Variants in ATP13A4 observed in about 807,000 individuals in gnomAD.
ATP13A4 encodes the protein probable cation-transporting ATPase 13A4.
A neutral mutation model predicts 142.5 loss-of-function variants in ATP13A4; 114 were observed. The ratio of observed to expected loss-of-function variants is 0.80; its 90% CI spans 0.69 to 0.93. ATP13A4 has a LOEUF of 0.93. Ranked by LOEUF, ATP13A4 falls within the 40% of genes least tolerant of loss-of-function variation. The probability of loss-of-function intolerance (pLI) is 0.00; values close to 1 mark genes in which losing one functional copy is unlikely to be tolerated. For missense variants in ATP13A4, 1,392 were observed against 1,454.0 expected, an observed-to-expected ratio of 0.96 and a Z score of 0.69; for synonymous variants, 488 against 514.8, an observed-to-expected ratio of 0.95 and a Z score of 0.70.
intron 3 of ATP13A4, among the ~76,000 whole-genome samples, chr3:193,498,145 T>C (rs1345650875): frequency 2.6e-5 from 4 of 152,150 alleles, no homozygotes; most frequent in South Asian, 2.1e-4. Flanking sequence ...GATTTATACA[T>C]AATGTATACA....
chr3:193,592,423 C>A (rs1277173901), intron 1 of ATP13A4, among the ~76,000 whole-genome samples: 1 of 151,916 alleles, frequency 6.6e-6, no homozygotes, highest in Non-Finnish European at 1.5e-5. Context: ...AGCAGCAGTT[C>A]CAGGGAAAAA....
At chr3:193,463,856 C>A (rs1718106810) in intron 12 of ATP13A4, among the ~76,000 whole-genome samples, 1 of 152,074 alleles carries the variant, frequency 6.6e-6, no homozygotes, top group Non-Finnish European at 1.5e-5. Context: ...CTTGGTAGAT[C>A]TTTCTGATAT....
At chr3:193,431,713 T>C (rs1261094523) in intron 25 of ATP13A4, among the ~76,000 whole-genome samples, 1 of 151,102 alleles carries the variant, frequency 6.6e-6, no homozygotes, top group Non-Finnish European at 1.5e-5. Flanking sequence ...TACACACATA[T>C]ATATGTTTCT....
chr3:193,474,537 CAGAG>C (rs554455863), intron 8 of ATP13A4, among the ~76,000 whole-genome samples: 1 of 122,196 alleles, frequency 8.2e-6, no homozygotes, highest in African/African-American at 3.2e-5. Context: ...CCTGTCAAGA[CAGAG>C]AGAGAGAGAG....
chr3:193,506,190 T>G (rs183021593), intron 2 of ATP13A4, among the ~76,000 whole-genome samples: 9 of 152,352 alleles, frequency 5.9e-5, no homozygotes, highest in Non-Finnish European at 1.2e-4. Flanking sequence ...TCTACTTTAG[T>G]CTGTTTCCCA....
Position 193,407,309 on chromosome 3 carries a change from T to C in ATP13A4, c.3378+4A>G. 5 of 1,608,486 alleles carry C rather than the reference T, an allele frequency of 3.1e-6. No individual in the cohort carries two copies. On this transcript the variant is annotated splice_donor_region_variant and intron_variant, in intron 29 of 29. Transcript: ENST00000342695. ...GATCAGCAGCCCAAGATCAGCACAC[T>C]TACCTCGGCCACAAGGGACACAATG... is the stretch of plus-strand genomic sequence containing the variant.
intron 14 of ATP13A4, 21 bp downstream of exon 14, chr3:193,459,060 C>G (rs1717797571): frequency 6.2e-7 from 1 of 1,613,934 alleles, no homozygotes; most frequent in Admixed American, 1.7e-5. Context: ...TTCTCAGATT[C>G]TCTGAAGAGC....
In ATP13A4 at chr3:193,462,805, C is replaced by T; in HGVS notation, c.1480G>A (p.Asp494Asn). ...CFDKTGTLTR[D>N]GLDLWGVVSC... ...ACGACTCCCCAGAGGTCCAAGCCGT[C>T]CCTTGTTAAGGTGCCTGTCTAAACA... Residue 494 changes from aspartate (D) to asparagine (N), a missense_variant, in exon 13 of 30, where the codon GAC becomes AAC. Physicochemically the swap from Asp to Asn is conservative, Grantham distance 23 (BLOSUM62 1). Coordinates refer to ENST00000342695, the MANE Select transcript of ATP13A4 (RefSeq NM_032279.4). The T allele has an allele frequency of 1.2e-6, 2 of 1,613,974 alleles. No individual in the cohort carries two copies. The highest frequency in any genetic ancestry group is 1.7e-6 in the Non-Finnish European group (2 of 1,179,908).
At chr3:193,447,089 T>A (rs971025281) in intron 18 of ATP13A4, among the ~76,000 whole-genome samples, 9 of 152,082 alleles carry the variant, frequency 5.9e-5, no homozygotes, top group Non-Finnish European at 1.2e-4. Context: ...CGGCAGAAAT[T>A]TCAATATGAG....
chr3:193,477,850 G>A (rs958220305), intron 8 of ATP13A4, among the ~76,000 whole-genome samples: 1 of 151,994 alleles, frequency 6.6e-6, no homozygotes, highest in African/African-American at 2.4e-5. Flanking sequence ...TTAGTGTGAA[G>A]CAAACTACTG....
At chr3:193,488,877 G>A (rs75302776) in intron 7 of ATP13A4, among the ~76,000 whole-genome samples, 2,807 of 152,204 alleles carry the variant, frequency 0.018, 89 homozygotes, top group African/African-American at 0.064. Flanking sequence ...AGTCATTCAT[G>A]GACTGCACAA....
chr3:193,554,763 T>C lies in ATP13A4; in HGVS notation c.37A>G (p.Asn13Asp). The change falls in exon 1 of 30, where the codon AAT (asparagine) becomes GAT (aspartate). Residue 13 changes from asparagine to aspartate, a missense_variant. Coordinates refer to ENST00000342695, the MANE Select transcript of ATP13A4 (RefSeq NM_032279.4). The stretch of plus-strand genomic sequence containing the variant: ...ACCATCTCATTCTCTTCTCCTTCAT[T>C]GAGCAGAGCGTGCTGGCCCTTCTCA... ...HFEKGQHALL[N>D]EGEENEMEIF... 5 of 1,613,932 alleles carry C rather than the reference T, an allele frequency of 3.1e-6. No homozygotes were observed. The highest frequency in any genetic ancestry group is 4.2e-6 in the Non-Finnish European group (5 of 1,179,986).
intron 1 of ATP13A4, among the ~76,000 whole-genome samples, chr3:193,542,059 T>A (rs1230286480): frequency 6.6e-6 from 1 of 152,126 alleles, no homozygotes; most frequent in Non-Finnish European, 1.5e-5. Context: ...GATGGCATGA[T>A]CCTATATCTA....
At chr3:193,567,104 C>T (rs1470711949) in intron 2 of ATP13A4, among the ~76,000 whole-genome samples, 2 of 151,916 alleles carry the variant, frequency 1.3e-5, no homozygotes, top group Admixed American at 6.6e-5. Context: ...TGAATTATGT[C>T]CATATAATAG....
Position 193,554,766 on chromosome 3 carries a change from G to A in ATP13A4, c.34C>T (p.Leu12Phe). Residue 12 changes from leucine to phenylalanine, a missense_variant, in exon 1 of 30, where the codon CTC becomes TTC. By Grantham distance (22) the Leu-to-Phe change is conservative (BLOSUM62 0). Transcript: ENST00000342695. ...ATCTCATTCTCTTCTCCTTCATTGA[G>A]CAGAGCGTGCTGGCCCTTCTCAAAG... is the stretch of plus-strand genomic sequence containing the variant. ...GHFEKGQHAL[L>F]NEGEENEMEI... The A allele has an allele frequency of 1.2e-6, 2 of 1,613,880 alleles. No homozygotes were observed. Among genetic ancestry groups the A allele is most frequent in the Non-Finnish European group, 1.7e-6 (2 of 1,180,000 alleles).
chr3:193,591,541 G>A (rs148011115), intron 1 of ATP13A4, among the ~76,000 whole-genome samples: 55 of 152,342 alleles, frequency 3.6e-4, no homozygotes, highest in Non-Finnish European at 6.5e-4. Context: ...TAGTACGGAT[G>A]TAATTTATGT....
intron 1 of ATP13A4, among the ~76,000 whole-genome samples, chr3:193,532,654 T>A (rs192274606): frequency 6.6e-6 from 1 of 152,058 alleles, no homozygotes; most frequent in African/African-American, 2.4e-5. Flanking sequence ...CCATCAAGAG[T>A]CTTAAAAATG....
At chr3:193,553,274 A>G (rs970198315) in intron 1 of ATP13A4, 1 of 152,214 alleles carries the variant, frequency 6.6e-6, no homozygotes, top group Admixed American at 6.5e-5. Flanking sequence ...TGGAATATGT[A>G]TGCTAGGGAA....
intron 1 of ATP13A4, among the ~76,000 whole-genome samples, chr3:193,539,601 G>T (rs1328128750): frequency 6.6e-6 from 1 of 152,172 alleles, no homozygotes; most frequent in African/African-American, 2.4e-5. Context: ...TTCTTTCTGA[G>T]AAACCAGATT....
Sources: allele counts gnomAD v4.1 joint callset (sites outside exome capture counted in the v4.1 genomes callset), GRCh38; gene constraint gnomAD v4.1.1; transcripts MANE v1.5; gene names NCBI Gene and HGNC (gene_info 2026-07-23, HGNC 2026-07-21).